The following SLC6A11 variants were observed in gnomAD, a reference collection of about 807,000 sequenced individuals.
The protein encoded by SLC6A11 is sodium- and chloride-dependent GABA transporter 3.
Under a neutral mutation model 74.8 loss-of-function variants are expected in SLC6A11, and 25 were observed. That is an observed-to-expected ratio of 0.33 (90% CI 0.24 to 0.47). The LOEUF (loss-of-function observed/expected upper bound fraction) is 0.47, where lower values mean the gene tolerates loss of function less well. SLC6A11 is among the 20% of genes least tolerant of loss of function. The pLI, the probability that SLC6A11 is intolerant of heterozygous loss-of-function variation, is 1.00. For synonymous variants in SLC6A11, 330 were observed against 330.2 expected, an observed-to-expected ratio of 1.00 and a Z score of 0.01; for missense variants, 574 against 837.0, an observed-to-expected ratio of 0.69 and a Z score of 3.88.
At chr3:10,844,128 G>A (rs1249065556) in intron 4 of SLC6A11, 86 bp from the exon 5 acceptor site, 2 of 1,527,256 alleles carry the variant, frequency 1.3e-6, no homozygotes, top group African/African-American at 2.7e-5. Flanking sequence ...TGAGCACATG[G>A]GCCCATCCCT....
In SLC6A11 at chr3:10,844,358, A is replaced by G. The variant is rs368861951; in HGVS notation, c.756+12A>G. Reference sequence around the variant, plus strand: ...AGTCTACAGGAAAGGTAAGAGGTCGATCTTCAAGCAGCTAACCGTGGCAGG... The same window carrying G: ...AGTCTACAGGAAAGGTAAGAGGTCGGTCTTCAAGCAGCTAACCGTGGCAGG... On this transcript the variant is annotated intron_variant, in intron 5 of 13. Coordinates refer to ENST00000254488, the MANE Select transcript of SLC6A11 (RefSeq NM_014229.3). 20 of 1,614,024 alleles carry G rather than the reference A, an allele frequency of 1.2e-5. No individual in the cohort carries two copies. The highest frequency in any genetic ancestry group is 1.7e-5 in the Non-Finnish European group (20 of 1,180,004).
intron 5 of SLC6A11, among the ~76,000 whole-genome samples, chr3:10,857,610 G>T (rs1575678198): frequency 1.3e-5 from 2 of 152,160 alleles, no homozygotes; most frequent in East Asian, 3.9e-4. Flanking sequence ...CAATTAAGTT[G>T]TGTCATAATT....
chr3:10,842,188 G>C (rs1694447167), intron 4 of SLC6A11, among the ~76,000 whole-genome samples: 1 of 152,188 alleles, frequency 6.6e-6, no homozygotes. Flanking sequence ...AGGGATCCAT[G>C]ACTTCCTCCC....
intron 5 of SLC6A11, among the ~76,000 whole-genome samples, chr3:10,847,598 C>G (rs757517018): frequency 4.6e-5 from 7 of 152,236 alleles, no homozygotes; most frequent in Admixed American, 2.6e-4. Context: ...GAGCCTTGCC[C>G]GAGGTCACAT....
rs763304817 is a variant in SLC6A11, at chr3:10,819,469, A to T, written c.261A>T (p.Ala87=). Residue 87 remains alanine (A), a synonymous_variant, in exon 2 of 14, where the codon GCA becomes GCT. Coordinates refer to ENST00000254488, the MANE Select transcript of SLC6A11 (RefSeq NM_014229.3). ...PYLCYKNGGG[A]FLIPYVVFFI... ...CATTCCTTTGCATCCTTACAGGGGC[A>T]TTCCTGATTCCCTACGTGGTGTTTT... is the stretch of plus-strand genomic sequence containing the variant. 26 of 1,612,378 alleles carry T rather than the reference A, an allele frequency of 1.6e-5. No individual in the cohort carries two copies. Among genetic ancestry groups the T allele is most frequent in the Admixed American group, 3.4e-5 (2 of 59,594 alleles).
At chr3:10,895,343 T>G (rs1234023137) in intron 6 of SLC6A11, among the ~76,000 whole-genome samples, 1 of 152,200 alleles carries the variant, frequency 6.6e-6, no homozygotes, top group Non-Finnish European at 1.5e-5. Flanking sequence ...TTGGTACTTT[T>G]TTTTTCTAAT....
chr3:10,883,746 A>C (rs975952194), intron 6 of SLC6A11, among the ~76,000 whole-genome samples: 1 of 152,034 alleles, frequency 6.6e-6, no homozygotes, highest in Non-Finnish European at 1.5e-5. Context: ...CCCAAAGAAG[A>C]TTGGGCCTTC....
intron 6 of SLC6A11, among the ~76,000 whole-genome samples, chr3:10,887,721 G>C (rs920396020): frequency 6.6e-5 from 10 of 152,220 alleles, no homozygotes; most frequent in African/African-American, 2.4e-4. Flanking sequence ...GGGATTACAG[G>C]TGTGAGCTAC....
chr3:10,935,813 T>C (rs985204559), intron 13 of SLC6A11, among the ~76,000 whole-genome samples: 26 of 152,222 alleles, frequency 1.7e-4, no homozygotes, highest in Non-Finnish European at 3.7e-4. Flanking sequence ...ACACAATTTT[T>C]AGTAATGTTC....
At chr3:10,912,252 G>T in intron 7 of SLC6A11, 59 bp downstream of exon 7, 1 of 1,158,880 alleles carries the variant, frequency 8.6e-7, no homozygotes, top group East Asian at 2.3e-5. Flanking sequence ...CCTCTAACCT[G>T]CCAGGCTAGT....
intron 6 of SLC6A11, among the ~76,000 whole-genome samples, chr3:10,902,328 C>T (rs977679968): frequency 4.6e-5 from 7 of 152,202 alleles, no homozygotes; most frequent in Non-Finnish European, 7.3e-5. Context: ...TCTGTTGGAC[C>T]CAAGCTGGTA....
chr3:10,844,887 G>A (rs1322619838), intron 5 of SLC6A11, among the ~76,000 whole-genome samples: 2 of 152,186 alleles, frequency 1.3e-5, no homozygotes, highest in Non-Finnish European at 2.9e-5. Context: ...ACTGGAGGAG[G>A]CTAGCTTTTA....
Position 10,873,991 on chromosome 3 carries a change from CGCTAT to C in SLC6A11, c.757-949_757-945del, listed in dbSNP as rs879605613. 7.8e-3 allele frequency among the ~76,000 whole-genome samples: 1,058 copies of C among 136,460 alleles called. 13 individuals are homozygous for C. Among genetic ancestry groups the C allele is most frequent in the African/African-American group, 0.024 (772 of 31,626 alleles). 89.5% of individuals were successfully genotyped at this position (136,460 alleles called of 152,430 possible). On this transcript the variant is annotated intron_variant, in intron 5 of 13. Transcript: ENST00000254488. Reference sequence around the variant, plus strand: ...TGCTATGCTACGCTACGCTACGCTACGCTATGCTATGCTATGCTATGCTATACCAT... The same window carrying C: ...TGCTATGCTACGCTACGCTACGCTACGCTATGCTATGCTATGCTATACCAT...
chr3:10,850,077 G>A (rs1380033287), intron 5 of SLC6A11, among the ~76,000 whole-genome samples: 3 of 152,214 alleles, frequency 2.0e-5, no homozygotes, highest in South Asian at 2.1e-4. Flanking sequence ...TAATATATCC[G>A]TGACCTGGTC....
At chr3:10,905,517 T>A (rs1695291750) in intron 6 of SLC6A11, among the ~76,000 whole-genome samples, 1 of 152,260 alleles carries the variant, frequency 6.6e-6, no homozygotes, top group African/African-American at 2.4e-5. Context: ...AGAAATAAAC[T>A]TTTATTGTGC....
Position 10,859,562 on chromosome 3 carries a change from C to G in SLC6A11, c.756+15216C>G, listed in dbSNP as rs542843877. Among the ~76,000 whole-genome samples the G allele has an allele frequency of 5.3e-5, 8 of 152,248 alleles. No individual in the cohort carries two copies. In the South Asian group the frequency reaches 1.7e-3, roughly 32 times the overall value. On this transcript the variant is annotated intron_variant, in intron 5 of 13. Coordinates refer to ENST00000254488, the MANE Select transcript of SLC6A11 (RefSeq NM_014229.3). Reference sequence around the variant, plus strand: ...GAGATGTGTGCAGTGGAATCGTTAGCATGTATGTTAGGATTTCTTTTCCTG... The same window carrying G: ...GAGATGTGTGCAGTGGAATCGTTAGGATGTATGTTAGGATTTCTTTTCCTG...
intron 3 of SLC6A11, among the ~76,000 whole-genome samples, chr3:10,822,296 C>A (rs538549429): frequency 7.9e-5 from 12 of 152,312 alleles, no homozygotes; most frequent in African/African-American, 2.9e-4. Context: ...ATACAGGAGG[C>A]CTTGCCCTTG....
chr3:10,863,826 T>G (rs902212251), intron 5 of SLC6A11, among the ~76,000 whole-genome samples: 1 of 152,020 alleles, frequency 6.6e-6, no homozygotes, highest in Non-Finnish European at 1.5e-5. Flanking sequence ...TGGTGTGAGA[T>G]GAATGTAGTT....
rs1559566923 is a variant in SLC6A11, at chr3:10,873,584, G to GCCATGCTATCCTATC, written c.757-1376_757-1375insCATGCTATCCTATCC. Among the ~76,000 whole-genome samples, 43 of 116,450 alleles carry GCCATGCTATCCTATC rather than the reference G, an allele frequency of 3.7e-4. 1 individual carries two copies. Among genetic ancestry groups the GCCATGCTATCCTATC allele is most frequent in the African/African-American group, 1.7e-3 (42 of 24,802 alleles). The allele number at this position is 116,450 out of a possible 152,430, so 76.4% of individuals were successfully genotyped here. A position where few individuals can be genotyped will look rare whatever the true frequency, so the allele number is the denominator to read the frequency against. On this transcript the variant is annotated intron_variant, in intron 5 of 13. Transcript: ENST00000254488. ...CCTACCCTACCCTACCCTACCCTAC[G>GCCATGCTATCCTATC]CTATCCTATCCTATCCTATCCTATG... is the stretch of plus-strand genomic sequence containing the variant.
Sources: gnomAD v4.1 joint callset for allele counts (sites outside exome capture counted in the v4.1 genomes callset) on GRCh38, gnomAD v4.1.1 for gene constraint, MANE v1.5 for transcripts, NCBI Gene and HGNC (gene_info 2026-07-23, HGNC 2026-07-21) for gene names.